Variants in CDIN1 observed in about 807,000 individuals in gnomAD.
The protein encoded by CDIN1 is CDAN1 interacting nuclease 1, also known as CDAN1-interacting nuclease 1.
A neutral mutation model predicts 45.3 loss-of-function variants in CDIN1; 33 were observed. The ratio of observed to expected loss-of-function variants is 0.73; its 90% CI spans 0.55 to 0.97. The LOEUF is 0.97. Ranked by LOEUF, CDIN1 falls within the 50% of genes least tolerant of loss-of-function variation. The pLI is 0.00. For missense variants in CDIN1, 303 were observed against 339.4 expected (o/e 0.89, Z 0.84); for synonymous variants, 118 against 124.4 (o/e 0.95, Z 0.34).
chr15:36,642,968 A>G (rs1007848819), intron 1 of CDIN1, among the ~76,000 whole-genome samples: 1 of 152,032 alleles, frequency 6.6e-6, no homozygotes, highest in East Asian at 1.9e-4. Context: ...ATTGTCAGCA[A>G]CCCTACTAGG....
chr15:36,605,924 A>G (rs958428743), intron 1 of CDIN1, among the ~76,000 whole-genome samples: 1 of 152,098 alleles, frequency 6.6e-6, no homozygotes, highest in Non-Finnish European at 1.5e-5. Flanking sequence ...TGACAGATGC[A>G]CTCCCTTTTC....
At chr15:36,726,768 A>G (rs556543097) in intron 10 of CDIN1, among the ~76,000 whole-genome samples, 15 of 152,186 alleles carry the variant, frequency 9.9e-5, no homozygotes, top group Non-Finnish European at 2.1e-4. Context: ...TTGAAATGAT[A>G]GAGAGAGGGT....
chr15:36,726,690 C>T (rs570420572), intron 10 of CDIN1, among the ~76,000 whole-genome samples: 11 of 152,192 alleles, frequency 7.2e-5, no homozygotes, highest in African/African-American at 2.7e-4. Flanking sequence ...TAACCATTCT[C>T]CATCTAACAT....
chr15:36,735,603 T>C (rs558626780), intron 10 of CDIN1, among the ~76,000 whole-genome samples: 1 of 152,280 alleles, frequency 6.6e-6, no homozygotes, highest in Admixed American at 6.5e-5. Flanking sequence ...TTAAAAACTG[T>C]ATATAGTCTT....
chr15:36,692,539 G>A (rs1206595082), intron 7 of CDIN1, among the ~76,000 whole-genome samples: 1 of 152,118 alleles, frequency 6.6e-6, no homozygotes, highest in Non-Finnish European at 1.5e-5. Flanking sequence ...TTTAAAATGA[G>A]CCAAATTTTG....
chr15:36,797,857 G>A (rs558839425), intron 10 of CDIN1, among the ~76,000 whole-genome samples: 10 of 151,810 alleles, frequency 6.6e-5, no homozygotes, highest in South Asian at 2.1e-4. Context: ...GTGCATGCCT[G>A]TAGTCCCAGC....
chr15:36,623,887 A>T (rs1001036213), intron 1 of CDIN1, among the ~76,000 whole-genome samples: 4 of 152,346 alleles, frequency 2.6e-5, no homozygotes, highest in East Asian at 1.9e-4. Flanking sequence ...CTAAGGCCAA[A>T]CTGCCTATAT....
At chr15:36,717,547 G>C (rs936957038) in intron 10 of CDIN1, among the ~76,000 whole-genome samples, 1 of 152,006 alleles carries the variant, frequency 6.6e-6, no homozygotes, top group African/African-American at 2.4e-5. Flanking sequence ...CTGTTCCACT[G>C]TTTATTTATC....
chr15:36,721,646 CT>C lies in CDIN1; in HGVS notation c.716+11687del, dbSNP rs544312747. Among the ~76,000 whole-genome samples, 4 of 152,226 alleles carry C rather than the reference CT, an allele frequency of 2.6e-5. No individual in the cohort carries two copies. In the South Asian group the frequency reaches 8.3e-4, roughly 32 times the overall value. ...TATTCCACTTTTGTTTTTGGAGTGG[CT>C]TATAAATGTCAATTAGGTCAAACTG... On this transcript the variant is annotated intron_variant, in intron 10 of 10. Coordinates refer to ENST00000566621, the MANE Select transcript of CDIN1 (RefSeq NM_001321759.2).
chr15:36,766,233 A>AT (rs1460572340), intron 10 of CDIN1, among the ~76,000 whole-genome samples: 2 of 152,000 alleles, frequency 1.3e-5, no homozygotes, highest in East Asian at 1.9e-4. Context: ...ATATGGCAGG[A>AT]TTTTTTTCTT....
chr15:36,762,305 C>T (rs2053787706), intron 10 of CDIN1, among the ~76,000 whole-genome samples: 1 of 152,100 alleles, frequency 6.6e-6, no homozygotes, highest in Non-Finnish European at 1.5e-5. Flanking sequence ...CTGAGAAAAG[C>T]TTCTTGAGGG....
chr15:36,653,234 A>G (rs1043971757), intron 3 of CDIN1, among the ~76,000 whole-genome samples: 16 of 152,108 alleles, frequency 1.1e-4, no homozygotes, highest in Non-Finnish European at 2.2e-4. Flanking sequence ...CTTATATGGT[A>G]GTGGATCGAA....
intron 1 of CDIN1, chr15:36,614,040 G>A: frequency 8.6e-7 from 1 of 1,158,558 alleles, no homozygotes; most frequent in Non-Finnish European, 1.3e-6. Flanking sequence ...AAGAGATCAA[G>A]ATTCTACTGA....
At chr15:36,673,844 T>C (rs1174636833) in intron 5 of CDIN1, among the ~76,000 whole-genome samples, 1 of 152,110 alleles carries the variant, frequency 6.6e-6, no homozygotes, top group Non-Finnish European at 1.5e-5. Context: ...CTTAGACTGA[T>C]GCTCATGCTT....
intron 1 of CDIN1, among the ~76,000 whole-genome samples, chr15:36,633,066 C>T (rs1465161459): frequency 6.6e-6 from 1 of 152,150 alleles, no homozygotes; most frequent in East Asian, 1.9e-4. Flanking sequence ...TCTTAAAGAT[C>T]AATTTATCCA....
chr15:36,580,355 T>C (rs901906276), intron 1 of CDIN1, among the ~76,000 whole-genome samples: 3 of 152,166 alleles, frequency 2.0e-5, no homozygotes, highest in African/African-American at 7.2e-5. Flanking sequence ...CCCTTTTCAA[T>C]TGGCCGTTGG....
At chr15:36,630,956 C>T (rs1456236101) in intron 1 of CDIN1, among the ~76,000 whole-genome samples, 1 of 152,220 alleles carries the variant, frequency 6.6e-6, no homozygotes, top group Admixed American at 6.5e-5. Context: ...CTCCATGGCT[C>T]ATACATCTCC....
At chr15:36,609,378 TA>T (rs2038539137) in intron 1 of CDIN1, among the ~76,000 whole-genome samples, 1 of 152,136 alleles carries the variant, frequency 6.6e-6, no homozygotes, top group African/African-American at 2.4e-5. Context: ...AGTAAAGTGC[TA>T]AAAATAAAAA....
At chr15:36,752,339 T>A (rs1439786921) in intron 10 of CDIN1, among the ~76,000 whole-genome samples, 1 of 152,252 alleles carries the variant, frequency 6.6e-6, no homozygotes, top group African/African-American at 2.4e-5. Context: ...TAGAACTTTG[T>A]ATTTCAGAAG....
Sources: gnomAD v4.1 joint callset for allele counts (sites outside exome capture counted in the v4.1 genomes callset) on GRCh38, gnomAD v4.1.1 for gene constraint, MANE v1.5 for transcripts, NCBI Gene and HGNC (gene_info 2026-07-23, HGNC 2026-07-21) for gene names.